Variants in OSBPL10 observed in about 807,000 individuals in gnomAD.
OSBPL10 encodes oxysterol binding protein like 10, also known as oxysterol-binding protein-related protein 10.
OSBPL10 carries 49 observed loss-of-function variants against 81.7 expected under a neutral mutation model. That is an observed-to-expected ratio of 0.60 (90% confidence interval 0.48 to 0.76). The LOEUF (loss-of-function observed/expected upper bound fraction) is 0.76. Ranked by LOEUF, OSBPL10 falls within the 30% of genes least tolerant of loss-of-function variation. The pLI, the probability that OSBPL10 is intolerant of heterozygous loss-of-function variation, is 0.00. For synonymous variants in OSBPL10, 419 were observed against 383.6 expected (o/e 1.09, Z -1.08); for missense variants, 923 against 987.8 (o/e 0.93, Z 0.88).
chr3:31,971,139 C>CTTTTTTTTTTTTTTTTTTTTT (rs56785817), intron 1 of OSBPL10, among the ~76,000 whole-genome samples: 1 of 119,358 alleles, frequency 8.4e-6, no homozygotes, highest in Admixed American at 9.1e-5. Context: ...TTTCTTTTTT[C>CTTTTTTTTTTTTTTTTTTTTT]TTTTTTTTTT....
At chr3:31,998,332 G>A (rs756130954) in intron 2 of OSBPL10, among the ~76,000 whole-genome samples, 6 of 152,086 alleles carry the variant, frequency 3.9e-5, no homozygotes, top group Non-Finnish European at 8.8e-5. Flanking sequence ...CACCACTGGC[G>A]ACTCACCCTT....
intron 1 of OSBPL10, among the ~76,000 whole-genome samples, chr3:31,937,261 C>A (rs1304525704): frequency 7.0e-6 from 1 of 142,602 alleles, no homozygotes; most frequent in Non-Finnish European, 1.5e-5. Context: ...CCAGCCTGGG[C>A]AAGAGACACT....
At position 31,686,301 on chromosome 3, in the gene OSBPL10, T is replaced by C. The variant is rs377437270; in HGVS notation, c.1246-2187A>G. Among the ~76,000 whole-genome samples the C allele has an allele frequency of 5.9e-5, 9 of 152,192 alleles. No homozygotes were observed. In the East Asian group the frequency reaches 7.7e-4, roughly 13 times the overall value. On this transcript the variant is annotated intron_variant, in intron 7 of 11. Transcript: ENST00000396556. ...ACTAATACAGATGTCCAGAGAGAGATAGGCAGACATGAGAACAGCAAAGTA... is the reference window on the plus strand; with the variant it reads ...ACTAATACAGATGTCCAGAGAGAGACAGGCAGACATGAGAACAGCAAAGTA...
intron 4 of OSBPL10, among the ~76,000 whole-genome samples, chr3:31,770,687 G>A (rs1162989484): frequency 6.6e-6 from 1 of 152,154 alleles, no homozygotes; most frequent in African/African-American, 2.4e-5. Flanking sequence ...TTGGGAGGCT[G>A]AGGCAGGAGA....
At chr3:31,784,586 T>G (rs924177545) in intron 4 of OSBPL10, among the ~76,000 whole-genome samples, 1 of 152,144 alleles carries the variant, frequency 6.6e-6, no homozygotes, top group African/African-American at 2.4e-5. Flanking sequence ...AAAATGGGTT[T>G]GTTTTTTGTT....
intron 1 of OSBPL10, among the ~76,000 whole-genome samples, chr3:32,060,987 A>AAAG (rs1553652293): frequency 0.016 from 1,248 of 77,500 alleles, 454 homozygotes; most frequent in Non-Finnish European, 0.032. Flanking sequence ...AAAAAAAAAA[A>AAAG]AACCCTCAGA....
chr3:32,000,356 T>C (rs1282691222), intron 2 of OSBPL10, among the ~76,000 whole-genome samples: 1 of 152,186 alleles, frequency 6.6e-6, no homozygotes, highest in Non-Finnish European at 1.5e-5. Flanking sequence ...AAATAGTGTT[T>C]AGGATCAGAC....
Position 31,661,824 on chromosome 3 carries a change from TAC to T in OSBPL10, c.*246_*247del. The T allele has an allele frequency of 5.1e-6, 2 of 395,618 alleles. No individual in the cohort carries two copies. Among genetic ancestry groups the T allele is most frequent in the South Asian group, 8.4e-5 (1 of 11,904 alleles). The allele number at this position is 395,618 out of a possible 1,614,324, so 24.5% of individuals were successfully genotyped here. On this transcript the variant is annotated 3_prime_UTR_variant, in exon 12 of 12. Transcript: ENST00000396556. The stretch of plus-strand genomic sequence containing the variant: ...AAATGTGTAATCATACTCAGATGTT[TAC>T]ATAGTGCATGTGTGTGAACGTATAC...
chr3:31,990,659 G>A (rs776070083), intron 2 of OSBPL10: 30 of 1,613,922 alleles, frequency 1.9e-5, no homozygotes, highest in Middle Eastern at 3.3e-4. Context: ...ACCCTTGCAC[G>A]TCATCATAGA....
intron 4 of OSBPL10, among the ~76,000 whole-genome samples, chr3:31,762,360 A>C (rs190481771): frequency 2.0e-5 from 3 of 152,316 alleles, no homozygotes; most frequent in Admixed American, 6.5e-5. Context: ...CCATTTCACA[A>C]GATGTGTGGC....
intron 2 of OSBPL10, among the ~76,000 whole-genome samples, chr3:32,025,630 T>C (rs915705314): frequency 4.6e-5 from 7 of 152,218 alleles, no homozygotes; most frequent in African/African-American, 1.7e-4. Flanking sequence ...TATTTGGGCA[T>C]GAGCATTTCT....
At chr3:32,059,418 C>A (rs987520079) in intron 1 of OSBPL10, among the ~76,000 whole-genome samples, 1 of 151,818 alleles carries the variant, frequency 6.6e-6, no homozygotes, top group African/African-American at 2.4e-5. Context: ...GAAACCCCAC[C>A]TCTACTAAAA....
intron 3 of OSBPL10, among the ~76,000 whole-genome samples, chr3:31,842,983 G>A (rs1447963828): frequency 6.6e-6 from 1 of 152,194 alleles, no homozygotes; most frequent in Non-Finnish European, 1.5e-5. Flanking sequence ...GCGACAAACA[G>A]AGAGATGAAA....
chr3:31,827,823 A>G (rs1271339524), intron 4 of OSBPL10, among the ~76,000 whole-genome samples: 1 of 152,216 alleles, frequency 6.6e-6, no homozygotes, highest in Admixed American at 6.5e-5. Context: ...CTTGCATTAT[A>G]GAATTTATAT....
At chr3:31,747,676 G>A (rs1361863148) in intron 5 of OSBPL10, among the ~76,000 whole-genome samples, 1 of 152,048 alleles carries the variant, frequency 6.6e-6, no homozygotes. Flanking sequence ...AACAGTAGAG[G>A]AAGGGCAGGA....
intron 1 of OSBPL10, among the ~76,000 whole-genome samples, chr3:31,980,088 T>G (rs2125504579): frequency 6.6e-6 from 1 of 152,000 alleles, no homozygotes; most frequent in South Asian, 2.1e-4. Context: ...CACTGCAACC[T>G]CTGCCTCCGG....
intron 4 of OSBPL10, among the ~76,000 whole-genome samples, chr3:31,787,050 A>C (rs1273969840): frequency 6.6e-6 from 1 of 152,228 alleles, no homozygotes. Flanking sequence ...GACAACTATG[A>C]AAAAGTATTC....
At chr3:31,675,965 AGAG>A (rs1700464433) in intron 8 of OSBPL10, among the ~76,000 whole-genome samples, 1 of 150,872 alleles carries the variant, frequency 6.6e-6, no homozygotes, top group Non-Finnish European at 1.5e-5. Context: ...AAAAAAAAAA[AGAG>A]GAAACTACAA....
chr3:31,898,024 AAAAAAAAAAAAAACAG>A (rs1696112981), intron 1 of OSBPL10, among the ~76,000 whole-genome samples: 2 of 117,026 alleles, frequency 1.7e-5, no homozygotes, highest in African/African-American at 9.1e-5. Flanking sequence ...AAAAAAAAAA[AAAAAAAAAAAAAACAG>A]AAGAAGAAGA....
Sources: allele counts gnomAD v4.1 joint callset (sites outside exome capture counted in the v4.1 genomes callset), GRCh38; gene constraint gnomAD v4.1.1; transcripts MANE v1.5; gene names NCBI Gene and HGNC (gene_info 2026-07-23, HGNC 2026-07-21).